Variants in KIF26A observed in about 807,000 individuals in gnomAD.
KIF26A encodes kinesin-like protein KIF26A.
Under a neutral mutation model 126.0 loss-of-function variants are expected in KIF26A, and 74 were observed. The ratio of observed to expected loss-of-function variants is 0.59; its 90% CI spans 0.49 to 0.71. The LOEUF (loss-of-function observed/expected upper bound fraction) is 0.71. Among genes scored for constraint, KIF26A ranks in the 30% least tolerant of loss-of-function variants. The pLI, the probability that KIF26A is intolerant of heterozygous loss-of-function variation, is 0.00. For missense variants in KIF26A, 2,984 were observed against 2,763.3 expected, an observed-to-expected ratio of 1.08 and a Z score of -1.79; for synonymous variants, 1,445 against 1,232.7, an observed-to-expected ratio of 1.17 and a Z score of -3.61.
Position 104,177,693 on chromosome 14 carries a change from C to T in KIF26A, c.4905C>T (p.Ser1635=), listed in dbSNP as rs755657090. The T allele has an allele frequency of 2.6e-5, 40 of 1,530,370 alleles. No individual in the cohort carries two copies. The highest frequency in any genetic ancestry group is 1.7e-4 in the Middle Eastern group (1 of 5,826). The allele number at this position is 1,530,370 out of a possible 1,614,324, so 94.8% of individuals were successfully genotyped here. A position where few individuals can be genotyped will look rare whatever the true frequency, so the allele number is the denominator to read the frequency against. ...YSSGHGSDNS[S]VLSGELPPAM... ...GCGGCCATGGCAGCGACAACAGCAGCGTGCTGAGTGGAGAGCTGCCGCCCG... is the reference window on the plus strand; with the variant it reads ...GCGGCCATGGCAGCGACAACAGCAGTGTGCTGAGTGGAGAGCTGCCGCCCG... The change falls in exon 12 of 15, where the codon AGC becomes AGT. Residue 1635 remains serine (S), a synonymous_variant. Coordinates refer to ENST00000423312, the MANE Select transcript of KIF26A (RefSeq NM_015656.2).
rs1566866823 is a variant in KIF26A, at chr14:104,177,533, CGTG to C, written c.4747_4749del (p.Trp1583del). On this transcript the variant is annotated inframe_deletion, in exon 12 of 15. Transcript: ENST00000423312. Reference sequence around the variant, plus strand: ...GGAGCCCCGGGCCGAGGTGGCTCCTCGTGGGGCTCGGCGGACTCAGACAGCGGC... The same window carrying C: ...GGAGCCCCGGGCCGAGGTGGCTCCTCGGGCTCGGCGGACTCAGACAGCGGC... 6.5e-7 allele frequency: 1 copy of C among 1,536,638 alleles called. No individual in the cohort carries two copies. Among genetic ancestry groups the C allele is most frequent in the Non-Finnish European group, 8.7e-7 (1 of 1,146,954 alleles).
intron 1 of KIF26A, 33 bp downstream of exon 1, chr14:104,138,797 G>T (rs2037608031): frequency 7.9e-7 from 1 of 1,259,402 alleles, no homozygotes; most frequent in Non-Finnish European, 9.9e-7. Flanking sequence ...AGGGAGGCGG[G>T]CGGCGGGGGC....
At chr14:104,157,293 G>C (rs1178708348) in intron 3 of KIF26A, among the ~76,000 whole-genome samples, 1 of 152,200 alleles carries the variant, frequency 6.6e-6, no homozygotes, top group Non-Finnish European at 1.5e-5. Flanking sequence ...GGGGCAATTA[G>C]TGTTCCTGCC....
Position 104,176,457 on chromosome 14 carries a change from G to A in KIF26A, c.3669G>A (p.Val1223=), listed in dbSNP as rs1301673831. 6 of 1,606,846 alleles carry A rather than the reference G, an allele frequency of 3.7e-6. No individual in the cohort carries two copies. The African/African-American group carries it at 5.3e-5, about 14-fold the overall frequency. The change falls in exon 12 of 15, where the codon GTG becomes GTA. Residue 1223 remains valine, a synonymous_variant. Coordinates refer to ENST00000423312, the MANE Select transcript of KIF26A (RefSeq NM_015656.2). ...GGACTGCCTCTGCCACCACCCGTGT[G>A]GGCTGTGCTCGCCTGGGCCAGAGCC... ...KPRTASATTR[V]GCARLGQSPP...
At position 104,175,928 on chromosome 14, in the gene KIF26A, G is replaced by T; in HGVS notation, c.3140G>T (p.Gly1047Val). Reference sequence around the variant, plus strand: ...GAGCTGTCCCTGGGGGCGCTTGCCGGAGCTGGGCGGCCCACCAGCCTGGCT... The same window carrying T: ...GAGCTGTCCCTGGGGGCGCTTGCCGTAGCTGGGCGGCCCACCAGCCTGGCT... ...VEELSLGALA[G>V]AGRPTSLASF... Residue 1047 changes from glycine to valine, a missense_variant, in exon 12 of 15, where the codon GGA becomes GTA. Coordinates refer to ENST00000423312, the MANE Select transcript of KIF26A (RefSeq NM_015656.2). The T allele has an allele frequency of 6.4e-7, 1 of 1,553,994 alleles. No homozygotes were observed. The highest frequency in any genetic ancestry group is 8.7e-7 in the Non-Finnish European group (1 of 1,155,540).
At chr14:104,154,371 A>T (rs935967337) in intron 3 of KIF26A, among the ~76,000 whole-genome samples, 4 of 152,150 alleles carry the variant, frequency 2.6e-5, no homozygotes, top group African/African-American at 9.7e-5. Context: ...GGGTCTGGCC[A>T]GAAGGCTGGT....
At chr14:104,143,090 C>T (rs948788385) in intron 2 of KIF26A, among the ~76,000 whole-genome samples, 2 of 152,236 alleles carry the variant, frequency 1.3e-5, no homozygotes, top group Admixed American at 1.3e-4. Context: ...GCGTCAGTAC[C>T]GGTGCTGAAT....
chr14:104,168,721 G>C (rs1284378542), intron 5 of KIF26A, among the ~76,000 whole-genome samples: 2 of 152,242 alleles, frequency 1.3e-5, no homozygotes, highest in Admixed American at 1.3e-4. Flanking sequence ...AGGAGGGCTT[G>C]GCGGGCATCT....
rs184120343 is a variant in KIF26A, at chr14:104,142,264, A to G, written c.288+2976A>G. Among the ~76,000 whole-genome samples, 6 of 152,150 alleles carry G rather than the reference A, an allele frequency of 3.9e-5. No homozygotes were observed. The East Asian group carries it at 1.2e-3, about 29-fold the overall frequency. ...AGGGGATTGTCTTTCCTGATCTGAG[A>G]AGGGTGCTTGGCCCTGGGTGTGGAG... On this transcript the variant is annotated intron_variant, in intron 2 of 14. Transcript: ENST00000423312.
chr14:104,172,135 C>G (rs1042421762), intron 6 of KIF26A, among the ~76,000 whole-genome samples, 200 bp downstream of exon 6: 1 of 152,248 alleles, frequency 6.6e-6, no homozygotes, highest in African/African-American at 2.4e-5. Flanking sequence ...CCGCCCCTGC[C>G]GAGGCTCTGG....
At chr14:104,166,410 G>A (rs533178493) in intron 4 of KIF26A, among the ~76,000 whole-genome samples, 1 of 152,284 alleles carries the variant, frequency 6.6e-6, no homozygotes, top group East Asian at 1.9e-4. Context: ...TGGAGATGTA[G>A]AAACTGAGGC....
At chr14:104,165,125 G>A (rs2037873624) in intron 4 of KIF26A, among the ~76,000 whole-genome samples, 1 of 147,884 alleles carries the variant, frequency 6.8e-6, no homozygotes, top group Non-Finnish European at 1.5e-5. Flanking sequence ...GTCTCTGCAT[G>A]TATATGTCTC....
In KIF26A at chr14:104,173,497, G is replaced by T. The variant is rs1230792558; in HGVS notation, c.1851G>T (p.Lys617Asn). Residue 617 changes from lysine to asparagine, a missense_variant, in exon 9 of 15, where the codon AAG becomes AAT. Lys to Asn is a moderately conservative substitution (Grantham distance 94). Transcript: ENST00000423312. The part of the protein sequence containing the change: ...TLHVYQYRME[K>N]CGRGGMSGGR... ...ACGTCTACCAGTACCGCATGGAGAA[G>T]TGCGGCCGGGGAGGAAGTAGGTGCC... The T allele has an allele frequency of 1.9e-6, 3 of 1,566,152 alleles. No individual in the cohort carries two copies. Among genetic ancestry groups the T allele is most frequent in the African/African-American group, 1.4e-5 (1 of 73,728 alleles).
rs1437705384 is a variant in KIF26A at position 104,157,896 on chromosome 14, G to C, written c.877G>C (p.Val293Leu). ...SALVTPTPGS[V>L]GGSTGPSAAA... ...CCTGGTCACCCCCACCCCGGGCTCG[G>C]TGGGGGGCTCCACAGGCCCCTCAGC... The change falls in exon 4 of 15, where the codon GTG (valine) becomes CTG (leucine). Residue 293 changes from valine to leucine, a missense_variant. Val to Leu is a conservative substitution (Grantham distance 32). Coordinates refer to ENST00000423312, the MANE Select transcript of KIF26A (RefSeq NM_015656.2). The C allele has an allele frequency of 6.4e-7, 1 of 1,566,690 alleles. No homozygotes were observed. The highest frequency in any genetic ancestry group is 8.7e-7 in the Non-Finnish European group (1 of 1,154,052).
chr14:104,173,437 C>A lies in KIF26A; in HGVS notation c.1791C>A (p.Asp597Glu). 6.3e-7 allele frequency: 1 copy of A among 1,585,422 alleles called. No homozygotes were observed. Among genetic ancestry groups the A allele is most frequent in the Admixed American group, 1.8e-5 (1 of 56,416 alleles). Residue 597 changes from aspartate (D) to glutamate (E), a missense_variant, in exon 9 of 15, where the codon GAC becomes GAA. Coordinates refer to ENST00000423312, the MANE Select transcript of KIF26A (RefSeq NM_015656.2). ...CCAGCCGAGCGGGCTGTGGCGAGGACGCCCGACGCAGCTCCCACATGTTGT... is the reference window on the plus strand; with the variant it reads ...CCAGCCGAGCGGGCTGTGGCGAGGAAGCCCGACGCAGCTCCCACATGTTGT... ...RSTSRAGCGE[D>E]ARRSSHMLFT... is the part of the protein sequence containing the mutation.
intron 1 of KIF26A, 44 bp downstream of exon 1, chr14:104,138,808 C>T: frequency 7.9e-7 from 1 of 1,258,782 alleles, no homozygotes. Flanking sequence ...CGGCGGGGGC[C>T]CGGGACGGCG....
chr14:104,177,287 G>T lies in KIF26A; in HGVS notation c.4499G>T (p.Gly1500Val). 6.3e-7 allele frequency: 1 copy of T among 1,584,896 alleles called. No homozygotes were observed. The highest frequency in any genetic ancestry group is 8.6e-7 in the Non-Finnish European group (1 of 1,168,828). Residue 1500 changes from glycine (G) to valine (V), a missense_variant, in exon 12 of 15, where the codon GGC (glycine) becomes GTC (valine). Gly to Val is a moderately radical substitution (Grantham distance 109). Coordinates refer to ENST00000423312, the MANE Select transcript of KIF26A (RefSeq NM_015656.2). ...AAGCCCCCTGTTGGTGGAGGCAAGG[G>T]CCGTGGCCTAGTGGCTGGTGGGTCG... ...APKPPVGGGK[G>V]RGLVAGGSRA...
At chr14:104,142,481 C>A (rs2037646402) in intron 2 of KIF26A, among the ~76,000 whole-genome samples, 1 of 152,034 alleles carries the variant, frequency 6.6e-6, no homozygotes, top group African/African-American at 2.4e-5. Context: ...ATGGGCTGCT[C>A]TGTCTGCCCT....
In KIF26A at chr14:104,177,344, C is replaced by A; in HGVS notation, c.4556C>A (p.Thr1519Lys). Residue 1519 changes from threonine (T) to lysine (K), a missense_variant, in exon 12 of 15, where the codon ACG (threonine) becomes AAG (lysine). By Grantham distance (78) the Thr-to-Lys change is moderately conservative. Transcript: ENST00000423312. ...RALGPSVKLS[T>K]ASVTGRSPGG... ...CTGGGGCCTTCGGTGAAGCTGTCTA[C>A]GGCCTCTGTGACGGGCAGGAGCCCT... 1 of 1,504,500 alleles carries A rather than the reference C, an allele frequency of 6.6e-7. No individual in the cohort carries two copies. Among genetic ancestry groups the A allele is most frequent in the East Asian group, 2.4e-5 (1 of 40,902 alleles). 93.2% of individuals were successfully genotyped at this position (1,504,500 alleles called of 1,614,324 possible).
Sources: allele counts gnomAD v4.1 joint callset (sites outside exome capture counted in the v4.1 genomes callset), GRCh38; gene constraint gnomAD v4.1.1; transcripts MANE v1.5; gene names NCBI Gene and HGNC (gene_info 2026-07-23, HGNC 2026-07-21).